PTPRM: variants seen among roughly 807,000 people sequenced by gnomAD.
PTPRM encodes the protein receptor-type tyrosine-protein phosphatase mu.
PTPRM carries 47 observed loss-of-function variants against 186.7 expected under a neutral mutation model. That is an observed-to-expected ratio of 0.25 (90% CI 0.20 to 0.32). The LOEUF is 0.32. PTPRM is among the 10% of genes least tolerant of loss of function. The pLI is 1.00. For synonymous variants in PTPRM, 668 were observed against 674.9 expected (o/e 0.99, Z 0.16); for missense variants, 1,494 against 1,865.0 (o/e 0.80, Z 3.66).
intron 1 of PTPRM, among the ~76,000 whole-genome samples, chr18:7,679,629 C>T (rs2039432850): frequency 6.6e-6 from 1 of 152,172 alleles, no homozygotes; most frequent in South Asian, 2.1e-4. Flanking sequence ...CGCGACACTG[C>T]AGTCCAGCCT....
At chr18:8,212,779 C>T (rs1247454536) in intron 14 of PTPRM, among the ~76,000 whole-genome samples, 1 of 152,196 alleles carries the variant, frequency 6.6e-6, no homozygotes, top group Non-Finnish European at 1.5e-5. Flanking sequence ...GCGCTCTAGC[C>T]TGGGTGACAG....
intron 1 of PTPRM, among the ~76,000 whole-genome samples, chr18:7,771,878 A>C (rs761113813): frequency 1.3e-5 from 2 of 152,244 alleles, no homozygotes; most frequent in East Asian, 3.8e-4. Context: ...GCACAAAAGC[A>C]TGAGATGGGA....
chr18:8,153,458 T>G (rs1432987261), intron 14 of PTPRM, among the ~76,000 whole-genome samples: 2 of 152,192 alleles, frequency 1.3e-5, no homozygotes, highest in Admixed American at 6.5e-5. Context: ...TCATGTCAGA[T>G]TTACATGATT....
At chr18:8,286,890 G>A (rs1458896626) in intron 19 of PTPRM, among the ~76,000 whole-genome samples, 1 of 151,662 alleles carries the variant, frequency 6.6e-6, no homozygotes, top group Non-Finnish European at 1.5e-5. Flanking sequence ...TAAATTAATA[G>A]GTGTCAAAAA....
intron 2 of PTPRM, among the ~76,000 whole-genome samples, chr18:7,873,215 T>C (rs895843906): frequency 1.3e-5 from 2 of 152,210 alleles, no homozygotes; most frequent in African/African-American, 4.8e-5. Flanking sequence ...AATTTGAGAA[T>C]CGATTAATTT....
intron 7 of PTPRM, among the ~76,000 whole-genome samples, chr18:8,020,319 G>A (rs1396724381): frequency 6.6e-6 from 1 of 152,078 alleles, no homozygotes; most frequent in Non-Finnish European, 1.5e-5. Flanking sequence ...GGACTCGCAG[G>A]TCAGTATGGG....
intron 32 of PTPRM, among the ~76,000 whole-genome samples, chr18:8,400,603 G>A (rs962815622): frequency 7.2e-5 from 11 of 152,008 alleles, no homozygotes; most frequent in African/African-American, 2.7e-4. Context: ...ACAGCTCGCC[G>A]CCCCCTCCCC....
At chr18:7,974,593 G>T (rs756060904) in intron 7 of PTPRM, among the ~76,000 whole-genome samples, 1 of 152,204 alleles carries the variant, frequency 6.6e-6, no homozygotes, top group Admixed American at 6.5e-5. Context: ...ACCCTTTACA[G>T]TTTGTTGTTC....
intron 13 of PTPRM, among the ~76,000 whole-genome samples, chr18:8,126,023 A>AT (rs1345519818): frequency 0.013 from 616 of 45,928 alleles, 40 homozygotes; most frequent in East Asian, 0.045. Flanking sequence ...ATATATATAT[A>AT]TATATTTTAA....
At chr18:8,297,226 A>G (rs1405771294) in intron 20 of PTPRM, among the ~76,000 whole-genome samples, 1 of 152,220 alleles carries the variant, frequency 6.6e-6, no homozygotes, top group African/African-American at 2.4e-5. Context: ...ATTTATAAAG[A>G]TACATAAATT....
chr18:7,667,588 A>G (rs1445289614), intron 1 of PTPRM, among the ~76,000 whole-genome samples: 1 of 152,270 alleles, frequency 6.6e-6, no homozygotes. Context: ...TAATAAGCTA[A>G]GAAAAAAGGG....
chr18:8,353,374 T>C (rs1376486284), intron 23 of PTPRM, among the ~76,000 whole-genome samples: 1 of 152,164 alleles, frequency 6.6e-6, no homozygotes, highest in African/African-American at 2.4e-5. Flanking sequence ...AAAGCAATCT[T>C]GGTGACCATT....
chr18:7,594,396 C>T (rs957708257), intron 1 of PTPRM, among the ~76,000 whole-genome samples: 1 of 151,938 alleles, frequency 6.6e-6, no homozygotes. Flanking sequence ...GGGAGAATCG[C>T]TTGAGCCCTG....
At chr18:7,980,798 G>A (rs774234971) in intron 7 of PTPRM, among the ~76,000 whole-genome samples, 5 of 152,024 alleles carry the variant, frequency 3.3e-5, no homozygotes, top group South Asian at 4.1e-4. Flanking sequence ...CCTGCTTCCC[G>A]TTTCTCCATA....
intron 1 of PTPRM, among the ~76,000 whole-genome samples, chr18:7,727,582 G>A (rs978402988): frequency 2.0e-5 from 3 of 152,136 alleles, no homozygotes; most frequent in African/African-American, 7.2e-5. Flanking sequence ...CCAATGGCAT[G>A]TCAAATTTGG....
chr18:8,242,179 A>G (rs1039674589), intron 14 of PTPRM, among the ~76,000 whole-genome samples: 8 of 152,200 alleles, frequency 5.3e-5, no homozygotes, highest in Non-Finnish European at 2.9e-5. Flanking sequence ...CTTTATAGGC[A>G]GAACAAAAAA....
At chr18:7,572,746 C>T (rs2036593665) in intron 1 of PTPRM, among the ~76,000 whole-genome samples, 1 of 152,180 alleles carries the variant, frequency 6.6e-6, no homozygotes, top group African/African-American at 2.4e-5. Flanking sequence ...CCTATAGTTT[C>T]ACTTTTTAGT....
intron 19 of PTPRM, among the ~76,000 whole-genome samples, chr18:8,263,196 T>C (rs1235234352): frequency 6.6e-6 from 1 of 152,056 alleles, no homozygotes; most frequent in Non-Finnish European, 1.5e-5. Flanking sequence ...GCAACCTCCA[T>C]CTGCCGGGTT....
At chr18:7,889,446 C>G (rs1257272421) in intron 3 of PTPRM, among the ~76,000 whole-genome samples, 3 of 149,942 alleles carry the variant, frequency 2.0e-5, no homozygotes, top group East Asian at 4.0e-4. Flanking sequence ...AAGTGATTCT[C>G]CCACCTCAGC....
Sources: gnomAD v4.1 joint callset for allele counts (sites outside exome capture counted in the v4.1 genomes callset) on GRCh38, gnomAD v4.1.1 for gene constraint, MANE v1.5 for transcripts, NCBI Gene and HGNC (gene_info 2026-07-23, HGNC 2026-07-21) for gene names.